Variants in BIRC2 observed in about 807,000 individuals in gnomAD.
BIRC2 encodes baculoviral IAP repeat containing 2.
Under a neutral mutation model 60.9 loss-of-function variants are expected in BIRC2, and 18 were observed. That is an observed-to-expected ratio of 0.30 (90% CI 0.20 to 0.44). The LOEUF is 0.44. Ranked by LOEUF, BIRC2 falls within the 20% of genes least tolerant of loss-of-function variation. The probability of loss-of-function intolerance (pLI) is 1.00; values close to 1 mark genes in which losing one functional copy is unlikely to be tolerated. For synonymous variants in BIRC2, 282 were observed against 247.7 expected, an observed-to-expected ratio of 1.14 and a Z score of -1.30; for missense variants, 701 against 728.5, an observed-to-expected ratio of 0.96 and a Z score of 0.43.
In BIRC2 at chr11:102,377,489, A is replaced by T; in HGVS notation, c.1367-7A>T. 6.3e-7 allele frequency: 1 copy of T among 1,579,220 alleles called. No individual in the cohort carries two copies. Among genetic ancestry groups the T allele is most frequent in the Admixed American group, 2.0e-5 (1 of 49,576 alleles). On this transcript the variant is annotated splice_region_variant and splice_polypyrimidine_tract_variant and intron_variant, in intron 6 of 8. Transcript: ENST00000227758. ...CTAATGGATTTCTTTTTCTTTTTTTAATGAAGATGATTTGTCATTAATTCG... is the reference window on the plus strand; with the variant it reads ...CTAATGGATTTCTTTTTCTTTTTTTTATGAAGATGATTTGTCATTAATTCG...
intron 6 of BIRC2, among the ~76,000 whole-genome samples, chr11:102,374,154 T>G (rs1044039924): frequency 2.6e-5 from 4 of 150,970 alleles, no homozygotes; most frequent in South Asian, 2.1e-4. Context: ...GTCTGAAGCC[T>G]TCTTCTCTCA....
At position 102,348,637 on chromosome 11, in the gene BIRC2, C is replaced by G; in HGVS notation, c.-1218C>G. ...AGAATCTCCCTATCCCTATTTTGTC[C>G]CCCTGCAGTAATAAATCCCATTATG... is the stretch of plus-strand genomic sequence containing the variant. On this transcript the variant is annotated 5_prime_UTR_variant, in exon 2 of 9. Coordinates refer to ENST00000227758, the MANE Select transcript of BIRC2 (RefSeq NM_001166.5). The G allele has an allele frequency of 3.4e-6, 1 of 298,416 alleles. No individual in the cohort carries two copies. The allele number at this position is 298,416 out of a possible 1,614,324, so 18.5% of individuals were successfully genotyped here.
intron 5 of BIRC2, among the ~76,000 whole-genome samples, chr11:102,367,245 G>A (rs1274051437): frequency 6.6e-6 from 1 of 151,928 alleles, no homozygotes; most frequent in Non-Finnish European, 1.5e-5. Context: ...TTTTTTCACA[G>A]TAGTCCAGCA....
intron 3 of BIRC2, among the ~76,000 whole-genome samples, chr11:102,357,407 A>C (rs1367091449): frequency 6.7e-6 from 1 of 150,022 alleles, no homozygotes; most frequent in Non-Finnish European, 1.5e-5. Flanking sequence ...CTGTGCTATG[A>C]GGTCATCTGT....
chr11:102,368,685 T>G, intron 6 of BIRC2, 137 bp downstream of exon 6: 1 of 1,230,698 alleles, frequency 8.1e-7, no homozygotes. Context: ...AAACCATCCC[T>G]CCTTTTCTAC....
chr11:102,378,115 C>T lies in BIRC2; in HGVS notation c.1789C>T (p.Pro597Ser). ...TCTGGTAGTATGCCAGGAATGTGCC[C>T]CTTCTCTAAGAAAATGCCCTATTTG... ...GHLVVCQECA[P>S]SLRKCPICRG... Residue 597 changes from proline to serine, a missense_variant, in exon 9 of 9, where the codon CCT becomes TCT. Around this residue, in one of 4 missense-constraint regions of BIRC2, gnomAD observed 52 missense variants for 83.9 expected, o/e 0.62. Transcript: ENST00000227758. 6.2e-7 allele frequency: 1 copy of T among 1,613,276 alleles called. No homozygotes were observed. Among genetic ancestry groups the T allele is most frequent in the South Asian group, 1.1e-5 (1 of 90,966 alleles).
chr11:102,350,587 C>G lies in BIRC2; in HGVS notation c.733C>G (p.Pro245Ala), dbSNP rs1951347553. The change falls in exon 2 of 9, where the codon CCC becomes GCC. Residue 245 changes from proline (P) to alanine (A), a missense_variant. Transcript: ENST00000227758. ...DAMSEHRRHF[P>A]NCPFLENSLE... Reference sequence around the variant, plus strand: ...TATGTCAGAACACCGGAGGCATTTTCCCAACTGTCCATTTTTGGAAAATTC... The same window carrying G: ...TATGTCAGAACACCGGAGGCATTTTGCCAACTGTCCATTTTTGGAAAATTC... The G allele has an allele frequency of 2.5e-6, 4 of 1,614,042 alleles. No homozygotes were observed. The highest frequency in any genetic ancestry group is 3.4e-6 in the Non-Finnish European group (4 of 1,180,032).
At chr11:102,362,058 T>C (rs995869731) in intron 3 of BIRC2, among the ~76,000 whole-genome samples, 1 of 152,188 alleles carries the variant, frequency 6.6e-6, no homozygotes, top group African/African-American at 2.4e-5. Flanking sequence ...GTTTTCAATT[T>C]TGATGATGTC....
Position 102,349,900 on chromosome 11 carries a change from C to G in BIRC2, c.46C>G (p.Gln16Glu). 1.9e-6 allele frequency: 3 copies of G among 1,613,306 alleles called. No homozygotes were observed. Among genetic ancestry groups the G allele is most frequent in the Non-Finnish European group, 2.5e-6 (3 of 1,179,506 alleles). The change falls in exon 2 of 9, where the codon CAA becomes GAA. Residue 16 changes from glutamine to glutamate, a missense_variant. Coordinates refer to ENST00000227758, the MANE Select transcript of BIRC2 (RefSeq NM_001166.5). Reference protein sequence around the residue: ...SQRLFPGPSYQNIKSIMEDST... With the variant: ...SQRLFPGPSYENIKSIMEDST... ...AAGACTTTTCCCAGGTCCCTCGTATCAAAACATTAAGAGTATAATGGAAGA... is the reference window on the plus strand; with the variant it reads ...AAGACTTTTCCCAGGTCCCTCGTATGAAAACATTAAGAGTATAATGGAAGA...
At chr11:102,361,142 G>A (rs117189349) in intron 3 of BIRC2, among the ~76,000 whole-genome samples, 2,916 of 152,312 alleles carry the variant, frequency 0.019, 52 homozygotes, top group Non-Finnish European at 0.032. Context: ...CTCTGATGGC[G>A]TGGACACCTG....
chr11:102,361,476 T>A lies in BIRC2; in HGVS notation c.996-1420T>A, dbSNP rs1164402072. ...CTGGGCAGTGCAAGAGCTGCTTTTT[T>A]TCAGGGTGAGGAGTGCAGTAGTGTC... On this transcript the variant is annotated intron_variant, in intron 3 of 8. Transcript: ENST00000227758. 2.6e-5 allele frequency among the ~76,000 whole-genome samples: 4 copies of A among 152,262 alleles called. No homozygotes were observed. In the East Asian group the frequency reaches 7.7e-4, roughly 29 times the overall value.
At chr11:102,362,401 CATATT>C (rs1413176590) in intron 3 of BIRC2, among the ~76,000 whole-genome samples, 4 of 152,078 alleles carry the variant, frequency 2.6e-5, no homozygotes, top group African/African-American at 7.2e-5. Flanking sequence ...GAAACACTGT[CATATT>C]ATATATAGAT....
At chr11:102,366,392 A>G (rs993688008) in intron 5 of BIRC2, among the ~76,000 whole-genome samples, 4 of 147,100 alleles carry the variant, frequency 2.7e-5, no homozygotes, top group Admixed American at 1.4e-4. Flanking sequence ...TTTGAGATGG[A>G]GTCTTGCTCT....
intron 3 of BIRC2, among the ~76,000 whole-genome samples, chr11:102,362,363 C>G (rs373233002): frequency 1.3e-5 from 2 of 151,916 alleles, no homozygotes; most frequent in African/African-American, 4.8e-5. Context: ...CTTTGAGAAG[C>G]CCTATCAGTT....
intron 3 of BIRC2, among the ~76,000 whole-genome samples, chr11:102,352,732 C>T (rs1386298913): frequency 1.3e-5 from 2 of 152,042 alleles, no homozygotes; most frequent in Non-Finnish European, 2.9e-5. Flanking sequence ...CCCCCTGCCG[C>T]ACCATTCTAT....
chr11:102,359,197 C>T (rs1225917747), intron 3 of BIRC2, among the ~76,000 whole-genome samples: 1 of 152,174 alleles, frequency 6.6e-6, no homozygotes, highest in African/African-American at 2.4e-5. Context: ...CAAGCACTAA[C>T]AACTTAATTT....
Position 102,350,022 on chromosome 11 carries a change from C to G in BIRC2, c.168C>G (p.Phe56Leu). 1 of 1,614,206 alleles carries G rather than the reference C, an allele frequency of 6.2e-7. No homozygotes were observed. ...ACAGAATGTCTACATATTCAACTTT[C>G]CCCGCCGGGGTGCCTGTCTCAGAAA... ...ELYRMSTYST[F>L]PAGVPVSERS... The change falls in exon 2 of 9, where the codon TTC (phenylalanine) becomes TTG (leucine). Residue 56 changes from phenylalanine to leucine, a missense_variant. By Grantham distance (22) the Phe-to-Leu change is conservative. Coordinates refer to ENST00000227758, the MANE Select transcript of BIRC2 (RefSeq NM_001166.5).
intron 3 of BIRC2, among the ~76,000 whole-genome samples, chr11:102,354,318 T>C (rs1951396109): frequency 6.6e-6 from 1 of 152,212 alleles, no homozygotes; most frequent in Non-Finnish European, 1.5e-5. Context: ...CAAGCGATTC[T>C]CCTGCCTCAG....
chr11:102,376,683 A>G (rs924152919), intron 6 of BIRC2, among the ~76,000 whole-genome samples: 2 of 152,210 alleles, frequency 1.3e-5, no homozygotes, highest in African/African-American at 4.8e-5. Context: ...TTTTAAAAAA[A>G]GGTCAGGCTT....
Sources: allele counts gnomAD v4.1 joint callset (sites outside exome capture counted in the v4.1 genomes callset), GRCh38; gene constraint gnomAD v4.1.1; regional missense constraint gnomAD v4.1.1; transcripts MANE v1.5; gene names NCBI Gene and HGNC (gene_info 2026-07-23, HGNC 2026-07-21).